C7: variants seen among roughly 807,000 people sequenced by gnomAD.
C7 encodes the protein complement C7, also known as complement component C7.
In C7, 83 loss-of-function variants were observed where a neutral mutation model predicts 104.8. The observed-to-expected ratio is 0.79, with a 90% confidence interval of 0.66 to 0.95. The LOEUF is 0.95. C7 is among the 40% of genes least tolerant of loss of function. The pLI, the probability that C7 is intolerant of heterozygous loss-of-function variation, is 0.00. For synonymous variants in C7, 415 were observed against 360.6 expected (o/e 1.15, Z -1.71); for missense variants, 1,070 against 1,011.2 (o/e 1.06, Z -0.79).
intron 1 of C7, among the ~76,000 whole-genome samples, chr5:40,924,392 AC>A (rs1369446029): frequency 2.6e-5 from 4 of 152,182 alleles, no homozygotes; most frequent in African/African-American, 9.7e-5. Context: ...GGGTTCAGCC[AC>A]CACAGTTGCT....
chr5:40,939,883 T>G (rs1419250170), intron 6 of C7, among the ~76,000 whole-genome samples: 2 of 152,206 alleles, frequency 1.3e-5, no homozygotes, highest in African/African-American at 4.8e-5. Context: ...GCTTGGTCTT[T>G]AGATTGACAA....
At chr5:40,935,133 G>A (rs566061525) in intron 4 of C7, among the ~76,000 whole-genome samples, 2 of 152,230 alleles carry the variant, frequency 1.3e-5, no homozygotes, top group East Asian at 1.9e-4. Context: ...CCTGTTGAAC[G>A]CTTATTTTAC....
intron 9 of C7, chr5:40,954,890 A>AAG (rs1561251137): frequency 1.7e-4 from 45 of 267,416 alleles, no homozygotes; most frequent in Middle Eastern, 1.6e-3. Flanking sequence ...AAAAAAAAAA[A>AAG]AAAAAAAAAA....
intron 15 of C7, among the ~76,000 whole-genome samples, chr5:40,975,366 C>CTTTTTTTTTTT (rs1162765793): frequency 7.0e-6 from 1 of 142,012 alleles, no homozygotes; most frequent in Non-Finnish European, 1.5e-5. Flanking sequence ...GAGAAGTGTG[C>CTTTTTTTTTTT]TTTTTTTTTT....
At chr5:40,974,482 C>T (rs912568251) in intron 15 of C7, among the ~76,000 whole-genome samples, 3 of 150,910 alleles carry the variant, frequency 2.0e-5, no homozygotes, top group African/African-American at 4.9e-5. Context: ...GCGGCACAAT[C>T]TCAGCTCACT....
rs35802990 is a variant in C7, at chr5:40,965,648, A to ATATATATATATAT, written c.1882+776_1882+777insATATATATATATT. 4.8e-4 allele frequency among the ~76,000 whole-genome samples: 62 copies of ATATATATATATAT among 130,298 alleles called. 1 individual carries two copies. The East Asian group carries it at 6.2e-3, about 13-fold the overall frequency. 85.5% of individuals were successfully genotyped at this position (130,298 alleles called of 152,430 possible). On this transcript the variant is annotated intron_variant, in intron 14 of 17. Transcript: ENST00000313164. ...TAGTGATATATATATATATATATAT[A>ATATATATATATAT]TTTTTTTTTTGGAGACAGAGTCTCA...
intron 9 of C7, among the ~76,000 whole-genome samples, chr5:40,951,423 T>C (rs1056296598): frequency 1.3e-5 from 2 of 152,134 alleles, no homozygotes; most frequent in African/African-American, 4.8e-5. Flanking sequence ...TGGGTACTTA[T>C]GGACATAAAA....
rs376447268 is a variant in C7, at chr5:40,972,416, T to C, written c.1896T>C (p.Val632=). ...TTTTATCTTTAGAAATTGCCTGTGT[T>C]CTACCTGTACTGATGGATGGCATAC... ...GEMHCQKIAC[V]LPVLMDGIQS... is the part of the protein sequence containing the mutation. The change falls in exon 15 of 18, where the codon GTT becomes GTC. Residue 632 remains valine (V), a synonymous_variant. Coordinates refer to ENST00000313164, the MANE Select transcript of C7 (RefSeq NM_000587.4). 8 of 1,613,730 alleles carry C rather than the reference T, an allele frequency of 5.0e-6. No individual in the cohort carries two copies. Among genetic ancestry groups the C allele is most frequent in the Non-Finnish European group, 6.8e-6 (8 of 1,179,756 alleles).
At chr5:40,947,937 AT>A in intron 8 of C7, 92 bp downstream of exon 8, 1 of 1,296,432 alleles carries the variant, frequency 7.7e-7, no homozygotes, top group Non-Finnish European at 1.1e-6. Flanking sequence ...GAGCTTTAAA[AT>A]TTGACAAACA....
chr5:40,947,577 C>T (rs1352780685), intron 7 of C7, 25 bp from the exon 8 acceptor site: 2 of 1,611,268 alleles, frequency 1.2e-6, no homozygotes. Context: ...CCTAAAACTC[C>T]TTGTACTCTT....
intron 14 of C7, among the ~76,000 whole-genome samples, chr5:40,968,538 A>AT (rs1433594189): frequency 9.1e-6 from 1 of 110,146 alleles, no homozygotes; most frequent in Non-Finnish European, 1.9e-5. Flanking sequence ...TATCAATTTT[A>AT]TTTTTCAACT....
Position 40,981,369 on chromosome 5 carries a change from G to A in C7, c.2351-23G>A, listed in dbSNP as rs200555185. 5 of 1,598,678 alleles carry A rather than the reference G, an allele frequency of 3.1e-6. No homozygotes were observed. The East Asian group carries it at 6.8e-5, about 22-fold the overall frequency. ...CCCGACCTCCACAATGTACCATTAA[G>A]CCTCTTTCACTTACTTTTCCAGCTG... is the stretch of plus-strand genomic sequence containing the variant. On this transcript the variant is annotated intron_variant, in intron 17 of 17. Transcript: ENST00000313164.
chr5:40,909,565 A>G lies in C7; in HGVS notation c.-46A>G, dbSNP rs770066898. ...TGTTGAAAACTTACCCGGCCCTTAC[A>G]GAGGAAATCTTCCTCCTCTCTTCTG... On this transcript the variant is annotated 5_prime_UTR_variant, in exon 1 of 18. Transcript: ENST00000313164. 7 of 1,540,670 alleles carry G rather than the reference A, an allele frequency of 4.5e-6. No homozygotes were observed. The highest frequency in any genetic ancestry group is 6.2e-6 in the Non-Finnish European group (7 of 1,127,262).
chr5:40,929,796 T>C (rs921723311), intron 2 of C7, among the ~76,000 whole-genome samples: 1 of 152,200 alleles, frequency 6.6e-6, no homozygotes, highest in African/African-American at 2.4e-5. Context: ...GCTCAGATTG[T>C]CCTCCTTGGT....
At chr5:40,980,597 G>A (rs1335537736) in intron 17 of C7, among the ~76,000 whole-genome samples, 1 of 152,160 alleles carries the variant, frequency 6.6e-6, no homozygotes, top group African/African-American at 2.4e-5. Flanking sequence ...CCATGATTTG[G>A]GCAGTACTAT....
At chr5:40,947,908 G>T in intron 8 of C7, 63 bp downstream of exon 8, 1 of 1,469,650 alleles carries the variant, frequency 6.8e-7, no homozygotes, top group Non-Finnish European at 9.4e-7. Flanking sequence ...GAAATAACAT[G>T]TAGTTAATGT....
chr5:40,938,820 T>C (rs2455301), intron 6 of C7, among the ~76,000 whole-genome samples: 68,933 of 152,050 alleles, frequency 0.45, 16,134 homozygotes, highest in African/African-American at 0.59. Flanking sequence ...AAAACAGTTA[T>C]GGCTTTAGGA....
At chr5:40,961,228 T>A (rs924969876) in intron 12 of C7, among the ~76,000 whole-genome samples, 1 of 152,216 alleles carries the variant, frequency 6.6e-6, no homozygotes, top group Non-Finnish European at 1.5e-5. Flanking sequence ...TTCTGTGCCA[T>A]TGTTTTTTCC....
chr5:40,958,104 T>C lies in C7; in HGVS notation c.1332T>C (p.Ala444=), dbSNP rs768813745. ...TGAAAAAACTATACCTGAAATGGGC[T>C]CTTGAAGAGTATCTGGATGAATTTG... ...ASVKKLYLKW[A]LEEYLDEFDP... Residue 444 remains alanine, a synonymous_variant, in exon 11 of 18, where the codon GCT becomes GCC. Transcript: ENST00000313164. The C allele has an allele frequency of 1.2e-6, 2 of 1,613,730 alleles. No individual in the cohort carries two copies. The highest frequency in any genetic ancestry group is 1.7e-6 in the Non-Finnish European group (2 of 1,179,798).
Sources: allele counts gnomAD v4.1 joint callset (sites outside exome capture counted in the v4.1 genomes callset), GRCh38; gene constraint gnomAD v4.1.1; transcripts MANE v1.5; gene names NCBI Gene and HGNC (gene_info 2026-07-23, HGNC 2026-07-21).